The following MYO9B variants were observed in gnomAD, a reference collection of about 807,000 sequenced individuals.
MYO9B encodes the protein unconventional myosin-IXb.
MYO9B carries 71 observed loss-of-function variants against 229.5 expected under a neutral mutation model. The observed-to-expected ratio is 0.31, with a 90% confidence interval of 0.26 to 0.38. The LOEUF (loss-of-function observed/expected upper bound fraction) is 0.38, where lower values mean the gene tolerates loss of function less well. Ranked by LOEUF, MYO9B falls within the 10% of genes least tolerant of loss-of-function variation. The probability of loss-of-function intolerance (pLI) is 1.00; values close to 1 mark genes in which losing one functional copy is unlikely to be tolerated. For synonymous variants in MYO9B, 1,185 were observed against 1,235.8 expected (o/e 0.96, Z 0.86); for missense variants, 2,255 against 2,920.5 (o/e 0.77, Z 5.25).
intron 1 of MYO9B, among the ~76,000 whole-genome samples, chr19:17,099,001 G>T (rs1199774768): frequency 6.6e-6 from 1 of 151,152 alleles, no homozygotes; most frequent in Non-Finnish European, 1.5e-5. Context: ...AAAGGGCTAG[G>T]TGCAGTGGCT....
In MYO9B at chr19:17,102,275, C is replaced by G; in HGVS notation, c.558C>G (p.Ile186Met). ...ACGCGGGGAGCATCCTGGTGGCCAT[C>G]AACCCCTTTAAGTTCCTGCCCATCT... ...YTYAGSILVA[I>M]NPFKFLPIYN... The change falls in exon 2 of 40, where the codon ATC (isoleucine) becomes ATG (methionine). Residue 186 changes from isoleucine (I) to methionine (M), a missense_variant. By Grantham distance (10) the Ile-to-Met change is conservative. Transcript: ENST00000682292. The G allele has an allele frequency of 6.2e-7, 1 of 1,614,062 alleles. No homozygotes were observed.
chr19:17,195,257 A>C lies in MYO9B; in HGVS notation c.3830A>C (p.Lys1277Thr). 1 of 1,612,342 alleles carries C rather than the reference A, an allele frequency of 6.2e-7. No homozygotes were observed. Among genetic ancestry groups the C allele is most frequent in the Non-Finnish European group, 8.5e-7 (1 of 1,179,612 alleles). Residue 1277 changes from lysine to threonine, a missense_variant, in exon 22 of 40, where the codon AAA (lysine) becomes ACA (threonine). By Grantham distance (78) the Lys-to-Thr change is moderately conservative (BLOSUM62 -1). This residue lies in a region of MYO9B where 679 missense variants were observed against 770.2 expected (regional missense o/e 0.88). Transcript: ENST00000682292. The surrounding 1 kb of genome is among the most constrained non-coding windows in gnomAD (Gnocchi z 4.5). ...SAPETPEDKS[K>T]PCGSPRVQEK... ...CCCGAGACCCCCGAGGACAAGAGCA[A>C]ACCATGTGGCAGCCCAAGGGTTCAG...
chr19:17,130,760 A>G (rs1317674885), intron 2 of MYO9B, among the ~76,000 whole-genome samples: 1 of 150,336 alleles, frequency 6.7e-6, no homozygotes, highest in African/African-American at 2.5e-5. Flanking sequence ...GTGACAGAGC[A>G]AGACTTGGTC....
intron 7 of MYO9B, among the ~76,000 whole-genome samples, chr19:17,158,429 T>C (rs1489683716): frequency 6.6e-6 from 1 of 152,000 alleles, no homozygotes; most frequent in Non-Finnish European, 1.5e-5. Flanking sequence ...ACCCCATCTC[T>C]ACTAAAAATA....
intron 34 of MYO9B, 93 bp downstream of exon 34, chr19:17,206,877 G>C (rs748920578): frequency 3.0e-6 from 4 of 1,320,930 alleles, no homozygotes; most frequent in Non-Finnish European, 3.2e-6. Context: ...CTGGCGTTCT[G>C]TGGTGGTTTC....
At chr19:17,203,971 T>TA (rs2073134846) in intron 30 of MYO9B, among the ~76,000 whole-genome samples, 2 of 152,016 alleles carry the variant, frequency 1.3e-5, no homozygotes, top group Non-Finnish European at 2.9e-5. Flanking sequence ...ACAGCTTTGA[T>TA]ATGGCCAAGT....
chr19:17,180,067 T>G (rs1248385412), intron 14 of MYO9B, among the ~76,000 whole-genome samples: 3 of 151,284 alleles, frequency 2.0e-5, no homozygotes, highest in Admixed American at 6.6e-5. Flanking sequence ...ACCCCATCTC[T>G]ACTAAAAATA....
Position 17,200,820 on chromosome 19 carries a change from G to C in MYO9B, c.4554G>C (p.Leu1518=). ...AGCTCAAGTACCTGGACGAGTTCCTGCTCAACAAGGTGGGATCACTAGGCG... is the reference window on the plus strand; with the variant it reads ...AGCTCAAGTACCTGGACGAGTTCCTCCTCAACAAGGTGGGATCACTAGGCG... ...ANELKYLDEF[L]LNKINDLRSQ... The change falls in exon 26 of 40, where the codon CTG becomes CTC. Residue 1518 remains leucine (L), a synonymous_variant. Coordinates refer to ENST00000682292, the MANE Select transcript of MYO9B (RefSeq NM_004145.4). The C allele has an allele frequency of 1.2e-6, 2 of 1,613,710 alleles. No homozygotes were observed. Among genetic ancestry groups the C allele is most frequent in the East Asian group, 2.2e-5 (1 of 44,880 alleles).
At chr19:17,107,827 A>C (rs1219444708) in intron 2 of MYO9B, among the ~76,000 whole-genome samples, 1 of 151,818 alleles carries the variant, frequency 6.6e-6, no homozygotes, top group Non-Finnish European at 1.5e-5. Flanking sequence ...ATCCTACCTA[A>C]TTGCATTTGC....
chr19:17,142,759 TTTTG>T (rs1394988756), intron 2 of MYO9B, among the ~76,000 whole-genome samples: 1 of 152,148 alleles, frequency 6.6e-6, no homozygotes, highest in Non-Finnish European at 1.5e-5. Flanking sequence ...TTCTTTGGGT[TTTTG>T]TTTGTTTGTT....
At chr19:17,189,537 C>T (rs2072957355) in intron 19 of MYO9B, among the ~76,000 whole-genome samples, 1 of 151,982 alleles carries the variant, frequency 6.6e-6, no homozygotes, top group South Asian at 2.1e-4. Flanking sequence ...GGGGCTGAGG[C>T]AGGAGGATTG....
intron 10 of MYO9B, among the ~76,000 whole-genome samples, chr19:17,163,741 T>A (rs2072629949): frequency 6.6e-6 from 1 of 152,224 alleles, no homozygotes; most frequent in South Asian, 2.1e-4. Context: ...TTTGTCTTTT[T>A]GTGACTGGCT....
At position 17,200,680 on chromosome 19, in the gene MYO9B, C is replaced by T. The variant is rs753698589; in HGVS notation, c.4414C>T (p.Arg1472Cys). Residue 1472 changes from arginine (R) to cysteine (C), a missense_variant, in exon 26 of 40, where the codon CGC becomes TGC. Arg to Cys is a radical substitution (Grantham distance 180, BLOSUM62 -3). Around this residue, in one of 7 missense-constraint regions of MYO9B, gnomAD observed 679 missense variants for 770.2 expected, o/e 0.88. Coordinates refer to ENST00000682292, the MANE Select transcript of MYO9B (RefSeq NM_004145.4). ...QQHRHAAGEK[R>C]TKEPGGKGKK... ...GCATCGCCACGCTGCAGGTGAGAAGCGCACCAAGGAACCAGGAGGCAAAGG... is the reference window on the plus strand; with the variant it reads ...GCATCGCCACGCTGCAGGTGAGAAGTGCACCAAGGAACCAGGAGGCAAAGG... 22 of 1,613,880 alleles carry T rather than the reference C, an allele frequency of 1.4e-5. No individual in the cohort carries two copies. The East Asian group carries it at 2.0e-4, about 15-fold the overall frequency.
intron 9 of MYO9B, 113 bp downstream of exon 9, chr19:17,162,579 A>G: frequency 1.1e-6 from 1 of 903,166 alleles, no homozygotes; most frequent in South Asian, 1.6e-5. Flanking sequence ...TGCAATCAAG[A>G]GGCTGTTTCC....
rs552340960 is a variant in MYO9B, at chr19:17,175,935, C to T, written c.2219+194C>T. ...CCAACTTCCACCTCCCGGGTTCAAG[C>T]GATTCTCCTGCCTCAGCCTCCCGAG... On this transcript the variant is annotated intron_variant, in intron 14 of 39. Transcript: ENST00000682292. Among the ~76,000 whole-genome samples, 63 of 151,284 alleles carry T rather than the reference C, an allele frequency of 4.2e-4. No individual in the cohort carries two copies. The South Asian group carries it at 5.2e-3, about 13-fold the overall frequency.
intron 2 of MYO9B, among the ~76,000 whole-genome samples, chr19:17,111,292 A>G (rs1237513422): frequency 6.6e-6 from 1 of 152,198 alleles, no homozygotes; most frequent in Non-Finnish European, 1.5e-5. Flanking sequence ...AGTTTCTGGA[A>G]CCAGGTGTGT....
chr19:17,197,435 G>GATAGATAGATAC (rs936113339), intron 22 of MYO9B, among the ~76,000 whole-genome samples: 6 of 151,456 alleles, frequency 4.0e-5, no homozygotes, highest in African/African-American at 1.5e-4. Flanking sequence ...TAGATAGATA[G>GATAGATAGATAC]ATAGATAGAT....
chr19:17,192,707 G>A (rs1421168508), intron 20 of MYO9B, 39 bp from the exon 21 acceptor site: 2 of 1,480,268 alleles, frequency 1.4e-6, no homozygotes, highest in South Asian at 1.3e-5. Context: ...TGGTGTCAGG[G>A]GCAGTGCAGC....
Position 17,078,740 on chromosome 19 carries a change from G to T in MYO9B, c.-59+2866G>T, listed in dbSNP as rs569113979. On this transcript the variant is annotated intron_variant, in intron 1 of 39. Transcript: ENST00000682292. ...AAGATACCACGTGTTAAACCACTCC[G>T]GGTGGAAGGGATTGCACAAGCAGAT... Among the ~76,000 whole-genome samples the T allele has an allele frequency of 1.3e-4, 20 of 152,280 alleles. No homozygotes were observed. In the South Asian group the frequency reaches 3.9e-3, roughly 30 times the overall value.
Sources: gnomAD v4.1 joint callset for allele counts (sites outside exome capture counted in the v4.1 genomes callset) on GRCh38, gnomAD v4.1.1 for gene constraint, gnomAD v4.1.1 regional missense constraint, Gnocchi (gnomAD v3.1) non-coding constraint, MANE v1.5 for transcripts, NCBI Gene and HGNC (gene_info 2026-07-23, HGNC 2026-07-21) for gene names.